EIPR1: variants seen among roughly 807,000 people sequenced by gnomAD.
The protein encoded by EIPR1 is EARP complex and GARP complex interacting protein 1.
Under a neutral mutation model 48.1 loss-of-function variants are expected in EIPR1, and 25 were observed. That is an observed-to-expected ratio of 0.52 (90% CI 0.38 to 0.73). The LOEUF is 0.73. Ranked by LOEUF, EIPR1 falls within the 30% of genes least tolerant of loss-of-function variation. The pLI is 0.00. For synonymous variants in EIPR1, 204 were observed against 201.9 expected, an observed-to-expected ratio of 1.01 and a Z score of -0.09; for missense variants, 415 against 506.2, an observed-to-expected ratio of 0.82 and a Z score of 1.73.
intron 3 of EIPR1, among the ~76,000 whole-genome samples, chr2:3,258,335 T>C (rs1667228155): frequency 6.6e-6 from 1 of 152,234 alleles, no homozygotes; most frequent in East Asian, 1.9e-4. Context: ...ATAAATCCTT[T>C]CAGAATTTGC....
intron 3 of EIPR1, among the ~76,000 whole-genome samples, chr2:3,269,301 A>AATC: frequency 7.3e-6 from 1 of 136,410 alleles, no homozygotes; most frequent in African/African-American, 2.7e-5. Context: ...CATGGCACTC[A>AATC]GTCATCGCAC....
intron 6 of EIPR1, among the ~76,000 whole-genome samples, chr2:3,196,317 C>T (rs1162636230): frequency 2.6e-5 from 4 of 152,180 alleles, no homozygotes; most frequent in East Asian, 1.9e-4. Context: ...TGTGGGCTTC[C>T]GTTGCCACAG....
At chr2:3,295,144 T>A in intron 3 of EIPR1, among the ~76,000 whole-genome samples, 1 of 122,458 alleles carries the variant, frequency 8.2e-6, no homozygotes, top group African/African-American at 3.2e-5. Flanking sequence ...ACAACCTCCA[T>A]CCGGCATGTC....
At chr2:3,367,158 G>A (rs1670994779) in intron 1 of EIPR1, among the ~76,000 whole-genome samples, 1 of 151,446 alleles carries the variant, frequency 6.6e-6, no homozygotes, top group Non-Finnish European at 1.5e-5. Flanking sequence ...AATTCTCAGA[G>A]ACTTCACTCC....
chr2:3,208,684 AT>A lies in EIPR1; in HGVS notation c.516+5464del, dbSNP rs756410781. 8 of 1,550,440 alleles carry A rather than the reference AT, an allele frequency of 5.2e-6. No homozygotes were observed. The South Asian group carries it at 8.3e-5, about 16-fold the overall frequency. On this transcript the variant is annotated intron_variant, in intron 5 of 8. Coordinates refer to ENST00000382125, the MANE Select transcript of EIPR1 (RefSeq NM_003310.5). ...TTCTTGCAGTCATAACTCAACCCCA[AT>A]TCCCCCAGGAAACACTCGGCGGGTC...
intron 3 of EIPR1, among the ~76,000 whole-genome samples, chr2:3,273,736 C>T (rs923072218): frequency 1.3e-5 from 2 of 152,122 alleles, no homozygotes; most frequent in African/African-American, 4.8e-5. Flanking sequence ...AAATGAGAAT[C>T]GTCTCTGGAG....
At chr2:3,279,049 C>T (rs1011640765) in intron 3 of EIPR1, among the ~76,000 whole-genome samples, 17 of 152,288 alleles carry the variant, frequency 1.1e-4, no homozygotes, top group Middle Eastern at 3.4e-3. Context: ...GACAGTGACT[C>T]GACACCCATG....
At chr2:3,326,502 G>A (rs11692713) in intron 3 of EIPR1, among the ~76,000 whole-genome samples, 25,930 of 152,084 alleles carry the variant, frequency 0.17, 2,426 homozygotes, top group Non-Finnish European at 0.21. Flanking sequence ...AAAATACCTG[G>A]ACCACTTTAC....
In EIPR1 at chr2:3,189,403, G is replaced by A; in HGVS notation, c.1095C>T (p.Ser365=). Residue 365 remains serine, a synonymous_variant, in exon 9 of 9, where the codon TCC becomes TCT. Coordinates refer to ENST00000382125, the MANE Select transcript of EIPR1 (RefSeq NM_003310.5). The surrounding 1 kb of genome is among the most constrained non-coding windows in gnomAD (Gnocchi z 4.6). ...WSSADPWLFA[S]LSYDGRLVIN... ...TCACGAGCCTCCCGTCATAGCTCAGGGAGGCAAACAGCCACGGGTCAGCCG... is the reference window on the plus strand; with the variant it reads ...TCACGAGCCTCCCGTCATAGCTCAGAGAGGCAAACAGCCACGGGTCAGCCG... 1 of 1,603,360 alleles carries A rather than the reference G, an allele frequency of 6.2e-7. No individual in the cohort carries two copies. Among genetic ancestry groups the A allele is most frequent in the Non-Finnish European group, 8.5e-7 (1 of 1,174,728 alleles).
At chr2:3,375,523 G>A (rs1296849911) in intron 1 of EIPR1, among the ~76,000 whole-genome samples, 3 of 152,178 alleles carry the variant, frequency 2.0e-5, no homozygotes, top group African/African-American at 7.2e-5. Context: ...AGCACTGGCA[G>A]AGTATGCATC....
intron 2 of EIPR1, chr2:3,353,346 A>C (rs769859551): frequency 6.4e-6 from 3 of 469,538 alleles, no homozygotes; most frequent in African/African-American, 4.0e-5. Flanking sequence ...TCAATTGTGC[A>C]CTTTGCTTTT....
chr2:3,201,845 T>G (rs2103116644), intron 5 of EIPR1, among the ~76,000 whole-genome samples: 1 of 152,332 alleles, frequency 6.6e-6, no homozygotes, highest in South Asian at 2.1e-4. Context: ...TACACATTAT[T>G]TCAGAAACAC....
At chr2:3,237,229 C>CACA (rs1296030335) in intron 4 of EIPR1, among the ~76,000 whole-genome samples, 1 of 130,754 alleles carries the variant, frequency 7.6e-6, no homozygotes, top group Non-Finnish European at 1.7e-5. Flanking sequence ...ACTACACACA[C>CACA]ACACACACAC....
chr2:3,348,928 C>A (rs984505739), intron 2 of EIPR1, among the ~76,000 whole-genome samples: 1 of 152,216 alleles, frequency 6.6e-6, no homozygotes, highest in Non-Finnish European at 1.5e-5. Flanking sequence ...TTCCCGGCGT[C>A]TCTCCTGGTC....
rs1376541364 is a variant in EIPR1 at position 3,286,649 on chromosome 2, C to G, written c.260-29194G>C. 6.6e-6 allele frequency among the ~76,000 whole-genome samples: 1 copy of G among 152,244 alleles called. No individual in the cohort carries two copies. Among genetic ancestry groups the G allele is most frequent in the Non-Finnish European group, 1.5e-5 (1 of 68,036 alleles). ...GGATCTCACAGTCCAGAGTGCCCCGCAGAGCACCCGAGACAGCGGCTGGCA... is the reference window on the plus strand; with the variant it reads ...GGATCTCACAGTCCAGAGTGCCCCGGAGAGCACCCGAGACAGCGGCTGGCA... On this transcript the variant is annotated intron_variant, in intron 3 of 8. Coordinates refer to ENST00000382125, the MANE Select transcript of EIPR1 (RefSeq NM_003310.5). This position sits in a 1 kb window ranked among gnomAD's most constrained non-coding sequence, Gnocchi z 4.2.
At chr2:3,267,132 G>A (rs1036034995) in intron 3 of EIPR1, among the ~76,000 whole-genome samples, 5 of 152,196 alleles carry the variant, frequency 3.3e-5, no homozygotes, top group Non-Finnish European at 7.3e-5. Flanking sequence ...ACCTCAGAGG[G>A]CCCAGTGGGG....
At chr2:3,351,600 AG>A (rs1405737501) in intron 2 of EIPR1, among the ~76,000 whole-genome samples, 5 of 152,190 alleles carry the variant, frequency 3.3e-5, no homozygotes, top group Non-Finnish European at 5.9e-5. Context: ...CTGAAACCAC[AG>A]GCCATCTTCA....
At chr2:3,324,208 C>T (rs1250070505) in intron 3 of EIPR1, among the ~76,000 whole-genome samples, 2 of 152,204 alleles carry the variant, frequency 1.3e-5, no homozygotes, top group South Asian at 4.1e-4. Context: ...CGACATGTGG[C>T]ACTGTGAAAG....
At chr2:3,220,704 C>T (rs995007820) in intron 4 of EIPR1, among the ~76,000 whole-genome samples, 7 of 151,842 alleles carry the variant, frequency 4.6e-5, no homozygotes, top group African/African-American at 7.2e-5. Context: ...ACACAATGGC[C>T]GAGGTACACT....
Sources: gnomAD v4.1 joint callset for allele counts (sites outside exome capture counted in the v4.1 genomes callset) on GRCh38, gnomAD v4.1.1 for gene constraint, Gnocchi (gnomAD v3.1) non-coding constraint, MANE v1.5 for transcripts, NCBI Gene and HGNC (gene_info 2026-07-23, HGNC 2026-07-21) for gene names.